The following ZFAT variants were observed in gnomAD, a reference collection of about 807,000 sequenced individuals.
ZFAT encodes the protein zinc finger and AT-hook domain containing, also known as zinc finger protein ZFAT.
In ZFAT, 64 loss-of-function variants were observed where a neutral mutation model predicts 117.7. The observed-to-expected ratio is 0.54, with a 90% CI of 0.44 to 0.67. ZFAT has a LOEUF of 0.67. Among genes scored for constraint, ZFAT ranks in the 30% least tolerant of loss-of-function variants. ZFAT has a pLI of 0.00. For missense variants in ZFAT, 1,433 were observed against 1,584.5 expected (o/e 0.90, Z 1.62); for synonymous variants, 679 against 615.0 (o/e 1.10, Z -1.54).
At chr8:134,669,276 G>A (rs1832426166) in intron 1 of ZFAT, among the ~76,000 whole-genome samples, 1 of 152,118 alleles carries the variant, frequency 6.6e-6, no homozygotes, top group Non-Finnish European at 1.5e-5. Context: ...TCCTCAAGAA[G>A]AGCAGCTCCA....
At chr8:134,532,777 G>C in intron 12 of ZFAT, 57 bp downstream of exon 12, 2 of 1,588,394 alleles carry the variant, frequency 1.3e-6, no homozygotes, top group Non-Finnish European at 1.7e-6. Context: ...CTTCCCAATG[G>C]GGGACTTGGC....
intron 15 of ZFAT, among the ~76,000 whole-genome samples, chr8:134,479,780 T>A (rs1004637602): frequency 1.3e-5 from 2 of 152,124 alleles, no homozygotes; most frequent in Admixed American, 6.5e-5. Context: ...ATTTATAAGC[T>A]ACGAGGCCTG....
At chr8:134,576,222 C>T (rs1403253404) in intron 10 of ZFAT, among the ~76,000 whole-genome samples, 1 of 152,144 alleles carries the variant, frequency 6.6e-6, no homozygotes, top group South Asian at 2.1e-4. Context: ...CAGTAAGCTG[C>T]GTAGTTCATT....
intron 1 of ZFAT, among the ~76,000 whole-genome samples, chr8:134,711,808 T>C (rs1814010067): frequency 1.3e-5 from 2 of 152,046 alleles, no homozygotes; most frequent in South Asian, 4.2e-4. Flanking sequence ...GCAGAGGGGA[T>C]CCTTGCAAAG....
intron 7 of ZFAT, chr8:134,599,805 T>C (rs1162497587): frequency 2.2e-6 from 1 of 455,538 alleles, no homozygotes; most frequent in Admixed American, 2.4e-5. Flanking sequence ...TTGAGTTAGA[T>C]TAGAATTTGC....
chr8:134,656,517 A>G (rs945828954), intron 2 of ZFAT, among the ~76,000 whole-genome samples: 4 of 152,232 alleles, frequency 2.6e-5, no homozygotes, highest in South Asian at 2.1e-4. Context: ...AACTTCCCAA[A>G]AACTTAATCT....
At chr8:134,742,572 C>T in the ZFAT span, among the ~76,000 whole-genome samples, 4 of 152,296 alleles carry the variant, frequency 2.6e-5, no homozygotes, top group Non-Finnish European at 5.9e-5. Flanking sequence ...GCAAGACTTC[C>T]CAGGACCTGG....
At chr8:134,704,776 G>A (rs1239412809) in intron 1 of ZFAT, among the ~76,000 whole-genome samples, 2 of 152,004 alleles carry the variant, frequency 1.3e-5, no homozygotes, top group Admixed American at 1.3e-4. Context: ...AACAAATGAG[G>A]CTAGAAAAAC....
chr8:134,734,590 G>T, the ZFAT span, among the ~76,000 whole-genome samples: 2 of 151,994 alleles, frequency 1.3e-5, no homozygotes, highest in Admixed American at 6.5e-5. Context: ...AGTAAAAGAG[G>T]GGTGGGCAGG....
intron 1 of ZFAT, among the ~76,000 whole-genome samples, chr8:134,676,093 A>G (rs531947345): frequency 3.3e-4 from 51 of 152,286 alleles, no homozygotes; most frequent in African/African-American, 1.2e-3. Context: ...CACACATAAC[A>G]ATATCAACCT....
At chr8:134,824,995 T>C in the ZFAT span, among the ~76,000 whole-genome samples, 1 of 152,238 alleles carries the variant, frequency 6.6e-6, no homozygotes, top group Non-Finnish European at 1.5e-5. Flanking sequence ...TTCCTAACAA[T>C]GACCTTCTGT....
intron 1 of ZFAT, among the ~76,000 whole-genome samples, chr8:134,684,992 A>C (rs1203698731): frequency 6.6e-6 from 1 of 152,192 alleles, no homozygotes; most frequent in Non-Finnish European, 1.5e-5. Flanking sequence ...GAAGACATCA[A>C]GACTTCATGG....
At chr8:134,658,402 T>C (rs182436014) in intron 1 of ZFAT, among the ~76,000 whole-genome samples, 3 of 151,652 alleles carry the variant, frequency 2.0e-5, no homozygotes, top group Admixed American at 6.6e-5. Flanking sequence ...AACTGCACAC[T>C]GATGGCAATT....
the ZFAT span, among the ~76,000 whole-genome samples, chr8:134,816,944 G>A: frequency 8.8e-5 from 13 of 147,266 alleles, no homozygotes; most frequent in African/African-American, 1.8e-4. Flanking sequence ...TCATGCCACC[G>A]CACTCCTGCC....
At chr8:134,709,010 G>C (rs1813890124) in intron 1 of ZFAT, among the ~76,000 whole-genome samples, 1 of 152,050 alleles carries the variant, frequency 6.6e-6, no homozygotes, top group Non-Finnish European at 1.5e-5. Flanking sequence ...TACTCGGCTG[G>C]GCACAGTGAC....
At chr8:134,676,188 T>A (rs1454707149) in intron 1 of ZFAT, among the ~76,000 whole-genome samples, 1 of 149,084 alleles carries the variant, frequency 6.7e-6, no homozygotes, top group Non-Finnish European at 1.5e-5. Context: ...GGAGACCCAT[T>A]TCATGTGCAA....
At chr8:134,807,928 G>T in the ZFAT span, among the ~76,000 whole-genome samples, 1 of 151,998 alleles carries the variant, frequency 6.6e-6, no homozygotes, top group Non-Finnish European at 1.5e-5. Flanking sequence ...AGATGAAAAG[G>T]CTTCCTGTTC....
At chr8:134,713,988 T>C (rs1814146623), upstream of ZFAT, among the ~76,000 whole-genome samples, 1 of 151,954 alleles carries the variant, frequency 6.6e-6, no homozygotes, top group Non-Finnish European at 1.5e-5. Context: ...TCTAAGGTCA[T>C]TTTCTGTTCA....
chr8:134,806,992 C>T, the ZFAT span, among the ~76,000 whole-genome samples: 2 of 152,038 alleles, frequency 1.3e-5, no homozygotes, highest in South Asian at 2.1e-4. Context: ...TACATATTTG[C>T]GGGTCAATTT....
Sources: allele counts gnomAD v4.1 joint callset (sites outside exome capture counted in the v4.1 genomes callset), GRCh38; gene constraint gnomAD v4.1.1; transcripts MANE v1.5; gene names NCBI Gene and HGNC (gene_info 2026-07-23, HGNC 2026-07-21).